Variants in LRIF1 observed in about 807,000 individuals in gnomAD.
LRIF1 encodes the protein ligand dependent nuclear receptor interacting factor 1.
In LRIF1, 32 loss-of-function variants were observed where a neutral mutation model predicts 52.7. That is an observed-to-expected ratio of 0.61 (90% CI 0.46 to 0.82). The LOEUF (loss-of-function observed/expected upper bound fraction) is 0.82. Among genes scored for constraint, LRIF1 ranks in the 40% least tolerant of loss-of-function variants. The pLI is 0.00. For synonymous variants in LRIF1, 323 were observed against 317.4 expected (o/e 1.02, Z -0.19); for missense variants, 887 against 892.0 (o/e 0.99, Z 0.07).
rs1658484821 is a variant in LRIF1, at chr1:110,951,688, ACTGT to A, written c.1192_1195del (p.Thr398Ter). 1.2e-6 allele frequency: 2 copies of A among 1,613,940 alleles called. No individual in the cohort carries two copies. Among genetic ancestry groups the A allele is most frequent in the Non-Finnish European group, 1.7e-6 (2 of 1,180,026 alleles). On this transcript the variant is annotated frameshift_variant, in exon 2 of 4. Coordinates refer to ENST00000369763, the MANE Select transcript of LRIF1 (RefSeq NM_018372.4). LOFTEE classifies it high-confidence loss of function. ...TATTTCTGTGACTGGACTTGAACTCACTGTCTGTAACGTGTCTTTTCTTACTGGA... is the reference window on the plus strand; with the variant it reads ...TATTTCTGTGACTGGACTTGAACTCACTGTAACGTGTCTTTTCTTACTGGA...
chr1:110,876,087 A>G, the LRIF1 span, among the ~76,000 whole-genome samples: 1 of 152,222 alleles, frequency 6.6e-6, no homozygotes, highest in Admixed American at 6.5e-5. Flanking sequence ...AAGAATTAGA[A>G]TATTGGTACT....
the LRIF1 span, among the ~76,000 whole-genome samples, chr1:110,930,693 G>A: frequency 1.3e-5 from 2 of 152,132 alleles, no homozygotes; most frequent in African/African-American, 4.8e-5. Flanking sequence ...AATTTTAGGG[G>A]GGACAAAAAC....
chr1:110,954,630 C>T (rs2101114295), intron 1 of LRIF1, among the ~76,000 whole-genome samples: 1 of 152,238 alleles, frequency 6.6e-6, no homozygotes, highest in East Asian at 1.9e-4. Flanking sequence ...ACAAGAAAAG[C>T]ACATTTGACC....
chr1:110,886,771 G>A, the LRIF1 span, among the ~76,000 whole-genome samples: 1 of 150,844 alleles, frequency 6.6e-6, no homozygotes, highest in Non-Finnish European at 1.5e-5. Context: ...CTTGAATCCA[G>A]GAGGTGGAGG....
At position 110,950,059 on chromosome 1, in the gene LRIF1, G is replaced by A; in HGVS notation, c.1661C>T (p.Ser554Phe). 1.2e-6 allele frequency: 2 copies of A among 1,613,942 alleles called. No homozygotes were observed. Among genetic ancestry groups the A allele is most frequent in the Non-Finnish European group, 1.7e-6 (2 of 1,179,968 alleles). Reference sequence around the variant, plus strand: ...TAATGCCTTATTACTTCTTCCTTGAGAATCTTTCTTGTCATTTCTTCCTTG... The same window carrying A: ...TAATGCCTTATTACTTCTTCCTTGAAAATCTTTCTTGTCATTTCTTCCTTG... ...GAQGRNDKKD[S>F]QGRSNKALHL... Residue 554 changes from serine to phenylalanine, a missense_variant, in exon 3 of 4, where the codon TCT becomes TTT. Physicochemically the swap from Ser to Phe is radical, Grantham distance 155 (BLOSUM62 -2). Transcript: ENST00000369763.
chr1:110,904,078 T>C, the LRIF1 span, among the ~76,000 whole-genome samples: 1 of 151,930 alleles, frequency 6.6e-6, no homozygotes, highest in Non-Finnish European at 1.5e-5. Flanking sequence ...GAAAACTGAG[T>C]CTTATGGTTT....
downstream of LRIF1, among the ~76,000 whole-genome samples, chr1:110,943,244 G>C (rs1557834471): frequency 6.6e-6 from 1 of 152,116 alleles, no homozygotes; most frequent in Non-Finnish European, 1.5e-5. Flanking sequence ...TGCTCTTGCA[G>C]AAAAGATAAA....
chr1:110,950,334 T>C (rs1658414827), intron 2 of LRIF1, among the ~76,000 whole-genome samples: 1 of 152,312 alleles, frequency 6.6e-6, no homozygotes, highest in African/African-American at 2.4e-5. Context: ...TCTCAATTAA[T>C]TTGTTGCACT....
intron 1 of LRIF1, among the ~76,000 whole-genome samples, chr1:110,957,879 G>A (rs975181878): frequency 2.0e-5 from 3 of 152,054 alleles, no homozygotes; most frequent in African/African-American, 7.2e-5. Context: ...AAGTCTATAC[G>A]GTTTTCTTTT....
rs554723599 is a variant in LRIF1 at position 110,947,808 on chromosome 1, C to A, written c.*151G>T. The A allele has an allele frequency of 1.8e-6, 2 of 1,083,284 alleles. No individual in the cohort carries two copies. Among genetic ancestry groups the A allele is most frequent in the Admixed American group, 3.3e-5 (1 of 30,174 alleles). 67.1% of individuals were successfully genotyped at this position (1,083,284 alleles called of 1,614,324 possible). Reference sequence around the variant, plus strand: ...ATTCACAAGTCATATGTGAATCAACCTTTTCTGTATTCCTTAAAGTTGTAC... The same window carrying A: ...ATTCACAAGTCATATGTGAATCAACATTTTCTGTATTCCTTAAAGTTGTAC... On this transcript the variant is annotated 3_prime_UTR_variant, in exon 4 of 4. Transcript: ENST00000369763.
the LRIF1 span, chr1:110,937,064 C>T: frequency 6.6e-6 from 1 of 152,014 alleles, no homozygotes; most frequent in Non-Finnish European, 1.5e-5. Context: ...ATGCCTTGAG[C>T]ACCCAGATAT....
the LRIF1 span, among the ~76,000 whole-genome samples, chr1:110,882,047 T>G: frequency 8.5e-5 from 13 of 152,348 alleles, no homozygotes; most frequent in South Asian, 2.7e-3. Context: ...TTTGGAAATA[T>G]TTTGTCCCTT....
chr1:110,883,949 A>G, the LRIF1 span, among the ~76,000 whole-genome samples: 1 of 151,944 alleles, frequency 6.6e-6, no homozygotes, highest in African/African-American at 2.4e-5. Flanking sequence ...AAGTTTATCA[A>G]TTTTATCAGT....
At chr1:110,903,858 C>T in the LRIF1 span, among the ~76,000 whole-genome samples, 9 of 151,766 alleles carry the variant, frequency 5.9e-5, no homozygotes, top group African/African-American at 9.7e-5. Context: ...AACTCTTGAA[C>T]GGCATCTCTG....
rs772898451 is a variant in LRIF1 at position 110,952,062 on chromosome 1, T to C, written c.822A>G (p.Thr274=). Residue 274 remains threonine, a synonymous_variant, in exon 2 of 4, where the codon ACA becomes ACG. Transcript: ENST00000369763. ...GCTGACCACCTTTCAATTGTGTCTC[T>C]GTAGCAACATTCTTTGGAATTTGTG... ...NTTQIPKNVA[T]ETQLKGGQHS... 2.5e-6 allele frequency: 4 copies of C among 1,614,248 alleles called. No individual in the cohort carries two copies. Among genetic ancestry groups the C allele is most frequent in the East Asian group, 2.2e-5 (1 of 44,890 alleles).
At chr1:110,908,993 G>C in the LRIF1 span, among the ~76,000 whole-genome samples, 1 of 151,978 alleles carries the variant, frequency 6.6e-6, no homozygotes, top group East Asian at 1.9e-4. Flanking sequence ...AGAGAGAAGG[G>C]GCAGGTCATG....
Position 110,963,631 on chromosome 1 carries a change from C to A in LRIF1, c.58G>T (p.Ala20Ser), listed in dbSNP as rs372755043. 2.0e-5 allele frequency: 32 copies of A among 1,609,092 alleles called. No individual in the cohort carries two copies. The highest frequency in any genetic ancestry group is 4.0e-5 in the African/African-American group (3 of 74,906). ...LKPAEENSGN[A>S]SRCVSGCMYQ... The stretch of plus-strand genomic sequence containing the variant: ...GAAACCGGTACTTACCAACGCGAGG[C>A]GTTGCCTGAATTTTCCTCTGCGGGT... Residue 20 changes from alanine (A) to serine (S), a missense_variant, in exon 1 of 4, where the codon GCC (alanine) becomes TCC (serine). Transcript: ENST00000369763.
At chr1:110,876,113 G>A in the LRIF1 span, among the ~76,000 whole-genome samples, 2 of 152,236 alleles carry the variant, frequency 1.3e-5, no homozygotes, top group African/African-American at 4.8e-5. Context: ...CGAAGTTAGA[G>A]ATTATTTAGA....
the LRIF1 span, among the ~76,000 whole-genome samples, chr1:110,877,885 G>A: frequency 6.6e-6 from 1 of 152,292 alleles, no homozygotes; most frequent in South Asian, 2.1e-4. Flanking sequence ...AACTTTGATT[G>A]CACCTCAGCC....
Sources: allele counts gnomAD v4.1 joint callset (sites outside exome capture counted in the v4.1 genomes callset), GRCh38; gene constraint gnomAD v4.1.1; transcripts MANE v1.5; gene names NCBI Gene and HGNC (gene_info 2026-07-23, HGNC 2026-07-21).